CFAP276: variants seen among roughly 807,000 people sequenced by gnomAD.
CFAP276 encodes cilia- and flagella-associated protein 276.
At chr1:109,108,913 TA>T in the CFAP276 span, among the ~76,000 whole-genome samples, 1 of 152,016 alleles carries the variant, frequency 6.6e-6, no homozygotes, top group Non-Finnish European at 1.5e-5. Flanking sequence ...AAGATTCCAA[TA>T]AGCAGGGAAG....
the CFAP276 span, chr1:109,112,677 C>T: frequency 3.2e-6 from 5 of 1,550,186 alleles, no homozygotes; most frequent in Non-Finnish European, 4.4e-6. Context: ...GGGTGGGAGG[C>T]ATGGCTAAAT....
the CFAP276 span, among the ~76,000 whole-genome samples, chr1:109,111,150 A>T: frequency 6.6e-6 from 1 of 151,988 alleles, no homozygotes; most frequent in African/African-American, 2.4e-5. Flanking sequence ...CACCCATCTG[A>T]TTGTGTCACT....
the CFAP276 span, chr1:109,112,810 C>A: frequency 2.1e-6 from 3 of 1,414,606 alleles, no homozygotes; most frequent in South Asian, 4.4e-5. Context: ...GCCCAGCCAT[C>A]TATGACAGAG....
the CFAP276 span, among the ~76,000 whole-genome samples, chr1:109,113,417 AGAGAGAGAGAG>A: frequency 3.1e-5 from 1 of 31,840 alleles, no homozygotes; most frequent in African/African-American, 8.3e-5. Context: ...AGAGAGAGAA[AGAGAGAGAGAG>A]AGAGAGAGAG....
At chr1:109,113,789 T>C in the CFAP276 span, 17 of 1,222,826 alleles carry the variant, frequency 1.4e-5, no homozygotes, top group Non-Finnish European at 2.0e-5. Context: ...GCTTGGAGGA[T>C]GCTTCCACTG....
chr1:109,107,032 G>A, the CFAP276 span: 5 of 1,613,974 alleles, frequency 3.1e-6, no homozygotes, highest in Non-Finnish European at 8.5e-7. Context: ...GTGGTTTTCT[G>A]GTTTAACAGT....
At chr1:109,111,679 A>G in the CFAP276 span, among the ~76,000 whole-genome samples, 1 of 151,868 alleles carries the variant, frequency 6.6e-6, no homozygotes, top group African/African-American at 2.4e-5. Context: ...CTTTCCATGT[A>G]TTTGCACCTG....
At chr1:109,113,622 G>A in the CFAP276 span, 2 of 1,613,728 alleles carry the variant, frequency 1.2e-6, no homozygotes, top group Non-Finnish European at 1.7e-6. Context: ...TTCGTAGGAG[G>A]GAACACGTAC....
chr1:109,109,442 C>G, the CFAP276 span, among the ~76,000 whole-genome samples: 3 of 150,270 alleles, frequency 2.0e-5, no homozygotes, highest in Non-Finnish European at 4.4e-5. Context: ...GAGTGGGACT[C>G]TGTCTCAAAA....
At chr1:109,112,811 T>C in the CFAP276 span, 2 of 1,411,000 alleles carry the variant, frequency 1.4e-6, no homozygotes, top group Non-Finnish European at 9.4e-7. Flanking sequence ...CCCAGCCATC[T>C]ATGACAGAGG....
At chr1:109,106,448 C>A in the CFAP276 span, 1 of 1,497,248 alleles carries the variant, frequency 6.7e-7, no homozygotes, top group Non-Finnish European at 9.1e-7. Context: ...TCCCTACTGT[C>A]CAATCACCTT....
the CFAP276 span, among the ~76,000 whole-genome samples, chr1:109,110,377 C>G: frequency 3.9e-5 from 6 of 152,180 alleles, no homozygotes; most frequent in East Asian, 1.9e-4. Context: ...TCAAGCACCC[C>G]CTAAAACTGC....
At chr1:109,106,592 T>A in the CFAP276 span, 1 of 1,614,080 alleles carries the variant, frequency 6.2e-7, no homozygotes, top group Non-Finnish European at 8.5e-7. Context: ...CAGTGTCTGA[T>A]GTTAGCCAGG....
At chr1:109,110,921 G>A in the CFAP276 span, among the ~76,000 whole-genome samples, 28 of 152,104 alleles carry the variant, frequency 1.8e-4, no homozygotes, top group Non-Finnish European at 3.5e-4. Flanking sequence ...AGCTATCCTA[G>A]ACTCACCTCC....
chr1:109,113,696 C>G, the CFAP276 span: 1 of 1,614,072 alleles, frequency 6.2e-7, no homozygotes, highest in Non-Finnish European at 8.5e-7. Context: ...TCTCGGTTCA[C>G]ACGCCACGTG....
At chr1:109,109,397 G>A in the CFAP276 span, among the ~76,000 whole-genome samples, 14 of 151,252 alleles carry the variant, frequency 9.3e-5, no homozygotes, top group Non-Finnish European at 1.9e-4. Flanking sequence ...GCAGTGAGCC[G>A]AGATCGCGCC....
At chr1:109,108,167 G>C in the CFAP276 span, 1 of 715,706 alleles carries the variant, frequency 1.4e-6, no homozygotes, top group Non-Finnish European at 2.4e-6. Context: ...TTTTGAGACA[G>C]AATCTCACTC....
the CFAP276 span, chr1:109,106,664 A>C: frequency 1.9e-6 from 3 of 1,613,686 alleles, no homozygotes; most frequent in South Asian, 1.1e-5. Flanking sequence ...TTGGTTCTAG[A>C]AGAAGGCATA....
chr1:109,106,867 A>AT, the CFAP276 span: 320 of 853,624 alleles, frequency 3.7e-4, 1 homozygote, highest in African/African-American at 5.0e-3. Flanking sequence ...CAGAAACTAT[A>AT]TTATAGACAC....
Sources: gnomAD v4.1 joint callset for allele counts (sites outside exome capture counted in the v4.1 genomes callset) on GRCh38, gnomAD v4.1.1 for gene constraint, MANE v1.5 for transcripts, NCBI Gene and HGNC (gene_info 2026-07-23, HGNC 2026-07-21) for gene names.